The following CNTNAP2 variants were observed in gnomAD, a reference collection of about 807,000 sequenced individuals.
The protein encoded by CNTNAP2 is contactin associated protein 2, also known as contactin-associated protein-like 2.
A neutral mutation model predicts 155.2 loss-of-function variants in CNTNAP2; 98 were observed. That is an observed-to-expected ratio of 0.63 (90% CI 0.54 to 0.75). The LOEUF (loss-of-function observed/expected upper bound fraction) is 0.75, where lower values mean the gene tolerates loss of function less well. Among genes scored for constraint, CNTNAP2 ranks in the 30% least tolerant of loss-of-function variants. CNTNAP2 has a pLI of 0.00. For synonymous variants in CNTNAP2, 651 were observed against 631.2 expected (o/e 1.03, Z -0.47); for missense variants, 1,727 against 1,688.1 (o/e 1.02, Z -0.40).
At chr7:147,003,593 C>T (rs1563040073) in intron 3 of CNTNAP2, among the ~76,000 whole-genome samples, 1 of 151,612 alleles carries the variant, frequency 6.6e-6, no homozygotes, top group Non-Finnish European at 1.5e-5. Flanking sequence ...ATTAATAAAT[C>T]AACAAATAGA....
At chr7:146,722,901 G>C (rs1801364027) in intron 1 of CNTNAP2, among the ~76,000 whole-genome samples, 2 of 152,110 alleles carry the variant, frequency 1.3e-5, no homozygotes, top group South Asian at 4.1e-4. Flanking sequence ...TCTAAGCCCA[G>C]CTACTTGGGA....
intron 13 of CNTNAP2, among the ~76,000 whole-genome samples, chr7:147,685,415 G>A (rs1796003704): frequency 6.6e-6 from 1 of 151,894 alleles, no homozygotes; most frequent in Non-Finnish European, 1.5e-5. Context: ...ATAACTCAGA[G>A]TGTTTGAGAG....
At chr7:148,347,085 C>T (rs528247713) in intron 21 of CNTNAP2, among the ~76,000 whole-genome samples, 10 of 151,780 alleles carry the variant, frequency 6.6e-5, no homozygotes, top group Admixed American at 2.6e-4. Context: ...GGTGAAACCC[C>T]GTCTCTACTA....
intron 9 of CNTNAP2, among the ~76,000 whole-genome samples, chr7:147,364,437 C>A (rs1004446170): frequency 6.6e-6 from 1 of 152,120 alleles, no homozygotes; most frequent in Non-Finnish European, 1.5e-5. Flanking sequence ...GACTCAGTTT[C>A]TTCTATGTCA....
At chr7:147,435,429 G>A (rs932418249) in intron 10 of CNTNAP2, among the ~76,000 whole-genome samples, 1 of 152,140 alleles carries the variant, frequency 6.6e-6, no homozygotes, top group African/African-American at 2.4e-5. Context: ...ATATAACCAG[G>A]TGATACTGAC....
chr7:146,218,930 T>G (rs1263510467), intron 1 of CNTNAP2, among the ~76,000 whole-genome samples: 3 of 152,240 alleles, frequency 2.0e-5, no homozygotes, highest in African/African-American at 7.2e-5. Flanking sequence ...GTAAGTGTAT[T>G]AGTCCATTTT....
At chr7:147,213,192 G>A (rs1010878367) in intron 8 of CNTNAP2, among the ~76,000 whole-genome samples, 1 of 152,122 alleles carries the variant, frequency 6.6e-6, no homozygotes, top group Non-Finnish European at 1.5e-5. Context: ...AATCAGGGAA[G>A]GCAATTTCTG....
At chr7:148,292,490 G>T (rs76960399) in intron 21 of CNTNAP2, among the ~76,000 whole-genome samples, 243 of 152,314 alleles carry the variant, frequency 1.6e-3, no homozygotes, top group African/African-American at 5.3e-3. Flanking sequence ...AACAAAGCAT[G>T]CTAGAGTTAC....
chr7:146,911,918 G>A (rs906395355), intron 3 of CNTNAP2, among the ~76,000 whole-genome samples: 2 of 152,068 alleles, frequency 1.3e-5, no homozygotes, highest in African/African-American at 2.4e-5. Flanking sequence ...GAATTTCATA[G>A]AGAGGTATAA....
chr7:148,336,195 T>C (rs1445034869), intron 21 of CNTNAP2, among the ~76,000 whole-genome samples: 1 of 152,222 alleles, frequency 6.6e-6, no homozygotes, highest in African/African-American at 2.4e-5. Flanking sequence ...TTTCATAGAT[T>C]TGGGGTTTGA....
At chr7:147,014,195 A>G (rs1342551371) in intron 3 of CNTNAP2, among the ~76,000 whole-genome samples, 4 of 152,176 alleles carry the variant, frequency 2.6e-5, no homozygotes, top group Non-Finnish European at 5.9e-5. Context: ...GTGTTCCAAA[A>G]CAAATGTATT....
intron 8 of CNTNAP2, among the ~76,000 whole-genome samples, chr7:147,245,520 G>A (rs558865267): frequency 6.6e-6 from 1 of 151,910 alleles, no homozygotes; most frequent in Non-Finnish European, 1.5e-5. Context: ...TGCTTTCATT[G>A]ATCTAGATCT....
At chr7:147,390,914 C>T (rs370065459) in intron 9 of CNTNAP2, among the ~76,000 whole-genome samples, 5 of 152,144 alleles carry the variant, frequency 3.3e-5, no homozygotes, top group South Asian at 2.1e-4. Context: ...TTTCCACACA[C>T]GAAGTACACC....
intron 1 of CNTNAP2, among the ~76,000 whole-genome samples, chr7:146,566,107 C>T (rs1175303909): frequency 6.6e-6 from 1 of 152,088 alleles, no homozygotes; most frequent in Non-Finnish European, 1.5e-5. Flanking sequence ...CTGGTGTAGG[C>T]TCTGGGAGGT....
chr7:146,459,118 G>A (rs1031824787), intron 1 of CNTNAP2, among the ~76,000 whole-genome samples: 2 of 152,098 alleles, frequency 1.3e-5, no homozygotes, highest in African/African-American at 4.8e-5. Context: ...TTCCTACCAT[G>A]TAATGGAGAA....
chr7:147,830,153 G>A lies in CNTNAP2; in HGVS notation c.2099-73412G>A, dbSNP rs1375275562. On this transcript the variant is annotated intron_variant, in intron 13 of 23. Transcript: ENST00000361727. ...GAGTACGTACTGTCTCAGTCCATTC[G>A]GGTTGCTATTAAAAAAAAAAAAAAA... Among the ~76,000 whole-genome samples, 5 of 117,396 alleles carry A rather than the reference G, an allele frequency of 4.3e-5. No homozygotes were observed. In the East Asian group the frequency reaches 1.2e-3, roughly 28 times the overall value. The allele number at this position is 117,396 out of a possible 152,430, so 77.0% of individuals were successfully genotyped here. A position where few individuals can be genotyped will look rare whatever the true frequency, so the allele number is the denominator to read the frequency against.
chr7:147,935,316 G>A lies in CNTNAP2; in HGVS notation c.2255+31595G>A, dbSNP rs540131147. On this transcript the variant is annotated intron_variant, in intron 14 of 23. Coordinates refer to ENST00000361727, the MANE Select transcript of CNTNAP2 (RefSeq NM_014141.6). ...TAATTTTTGCATTTTTAGTAGAGACGGGGTTTCACCATGTTGGCCAGAATG... is the reference window on the plus strand; with the variant it reads ...TAATTTTTGCATTTTTAGTAGAGACAGGGTTTCACCATGTTGGCCAGAATG... 1.7e-3 allele frequency among the ~76,000 whole-genome samples: 253 copies of A among 152,068 alleles called. 1 individual carries two copies. Among genetic ancestry groups the A allele is most frequent in the African/African-American group, 6.0e-3 (247 of 41,452 alleles).
intron 13 of CNTNAP2, among the ~76,000 whole-genome samples, chr7:147,711,716 G>T (rs1017681524): frequency 6.6e-6 from 1 of 152,122 alleles, no homozygotes; most frequent in African/African-American, 2.4e-5. Context: ...AACACTCAAA[G>T]ATTCCATTTT....
chr7:147,138,905 C>G (rs1801543127), intron 8 of CNTNAP2, among the ~76,000 whole-genome samples: 1 of 151,442 alleles, frequency 6.6e-6, no homozygotes, highest in Non-Finnish European at 1.5e-5. Context: ...AAAATGGAGG[C>G]AAAAGGTGCC....
Sources: allele counts gnomAD v4.1 joint callset (sites outside exome capture counted in the v4.1 genomes callset), GRCh38; gene constraint gnomAD v4.1.1; transcripts MANE v1.5; gene names NCBI Gene and HGNC (gene_info 2026-07-23, HGNC 2026-07-21).